DPT: variants seen among roughly 807,000 people sequenced by gnomAD.
DPT encodes tyrosine-rich acidic matrix protein.
In DPT, 21 loss-of-function variants were observed where a neutral mutation model predicts 31.2. The ratio of observed to expected loss-of-function variants is 0.67; its 90% CI spans 0.48 to 0.97. The LOEUF is 0.97. DPT is among the 50% of genes least tolerant of loss of function. DPT has a pLI of 0.00. For synonymous variants in DPT, 91 were observed against 86.9 expected, an observed-to-expected ratio of 1.05 and a Z score of -0.26; for missense variants, 262 against 258.8, an observed-to-expected ratio of 1.01 and a Z score of -0.08.
chr1:168,704,264 CA>C (rs1649666336), intron 2 of DPT, among the ~76,000 whole-genome samples: 1 of 152,162 alleles, frequency 6.6e-6, no homozygotes, highest in Admixed American at 6.5e-5. Context: ...TTAAAACAAT[CA>C]AACAAACCTT....
At chr1:168,701,218 G>T in intron 2 of DPT, 94 bp from the exon 3 acceptor site, 1 of 969,450 alleles carries the variant, frequency 1.0e-6, no homozygotes, top group Admixed American at 1.8e-5. Context: ...GATGGAGTTT[G>T]AGCATCCTGG....
intron 1 of DPT, among the ~76,000 whole-genome samples, chr1:168,724,653 T>C (rs923011611): frequency 7.2e-5 from 11 of 151,960 alleles, no homozygotes; most frequent in Non-Finnish European, 1.6e-4. Context: ...TTGGAAAGCA[T>C]CCCCGAGGAA....
chr1:168,715,560 A>G (rs1665435638), intron 1 of DPT, among the ~76,000 whole-genome samples: 1 of 116,432 alleles, frequency 8.6e-6, no homozygotes, highest in African/African-American at 2.7e-5. Context: ...AAAATAAAAG[A>G]TATTATAATT....
intron 2 of DPT, among the ~76,000 whole-genome samples, chr1:168,710,847 G>A (rs116752062): frequency 1.3e-5 from 2 of 152,154 alleles, no homozygotes; most frequent in African/African-American, 4.8e-5. Flanking sequence ...CAAATAAACA[G>A]ACAGGATAAG....
chr1:168,700,648 C>T (rs1649573511), intron 3 of DPT, among the ~76,000 whole-genome samples: 1 of 152,062 alleles, frequency 6.6e-6, no homozygotes, highest in African/African-American at 2.4e-5. Context: ...AAGCTTAGAC[C>T]ATCAAGGGAT....
intron 2 of DPT, among the ~76,000 whole-genome samples, chr1:168,709,189 A>C (rs1038225733): frequency 6.6e-6 from 1 of 152,212 alleles, no homozygotes; most frequent in African/African-American, 2.4e-5. Flanking sequence ...AATGATTCAC[A>C]ACCATCAGAT....
chr1:168,715,100 G>T (rs1228448210), intron 1 of DPT, among the ~76,000 whole-genome samples: 2 of 152,084 alleles, frequency 1.3e-5, no homozygotes, highest in African/African-American at 4.8e-5. Flanking sequence ...CCCCTCTAAA[G>T]ATCCCTTTCC....
chr1:168,728,248 C>A (rs992326287), intron 1 of DPT, among the ~76,000 whole-genome samples: 1 of 152,186 alleles, frequency 6.6e-6, no homozygotes, highest in Admixed American at 6.5e-5. Context: ...GAGAGAAGGA[C>A]CTCAGTACTC....
At chr1:168,701,975 C>CCTTCT (rs1324920754) in intron 2 of DPT, among the ~76,000 whole-genome samples, 1 of 152,184 alleles carries the variant, frequency 6.6e-6, no homozygotes, top group Non-Finnish European at 1.5e-5. Context: ...CCTTTCCTTT[C>CCTTCT]CTTCTCTTCC....
intron 1 of DPT, among the ~76,000 whole-genome samples, chr1:168,716,128 T>C (rs980799089): frequency 1.3e-5 from 2 of 152,236 alleles, no homozygotes; most frequent in South Asian, 2.1e-4. Flanking sequence ...ATTAAATATA[T>C]TACTTGTCTG....
chr1:168,714,608 A>G (rs967364383), intron 1 of DPT, among the ~76,000 whole-genome samples: 13 of 152,246 alleles, frequency 8.5e-5, no homozygotes, highest in Non-Finnish European at 1.6e-4. Flanking sequence ...ATATATTGTT[A>G]GATGGAAGCC....
chr1:168,724,325 C>T (rs976850968), intron 1 of DPT, among the ~76,000 whole-genome samples: 1 of 152,194 alleles, frequency 6.6e-6, no homozygotes, highest in Non-Finnish European at 1.5e-5. Flanking sequence ...GAATCAAAGA[C>T]ATAAGCAAAA....
At chr1:168,701,482 T>C (rs894585513) in intron 2 of DPT, among the ~76,000 whole-genome samples, 5 of 152,212 alleles carry the variant, frequency 3.3e-5, no homozygotes, top group African/African-American at 1.2e-4. Context: ...TATGATTCAT[T>C]AGTTGATAAC....
intron 1 of DPT, among the ~76,000 whole-genome samples, chr1:168,722,561 G>A (rs1413709013): frequency 6.6e-6 from 1 of 152,136 alleles, no homozygotes; most frequent in Non-Finnish European, 1.5e-5. Context: ...TATAAAATGG[G>A]TTCAAATAAT....
intron 1 of DPT, among the ~76,000 whole-genome samples, chr1:168,722,192 T>G (rs1240348606): frequency 6.6e-6 from 1 of 152,216 alleles, no homozygotes; most frequent in Non-Finnish European, 1.5e-5. Context: ...TGACGTGAGT[T>G]TATGAATATC....
intron 2 of DPT, among the ~76,000 whole-genome samples, chr1:168,707,226 GGTAA>G (rs749726893): frequency 6.6e-6 from 1 of 151,988 alleles, no homozygotes; most frequent in Non-Finnish European, 1.5e-5. Flanking sequence ...AGGAACACGT[GGTAA>G]GTGTCAATAA....
At chr1:168,720,765 C>T (rs1650093097) in intron 1 of DPT, among the ~76,000 whole-genome samples, 1 of 152,158 alleles carries the variant, frequency 6.6e-6, no homozygotes, top group Non-Finnish European at 1.5e-5. Flanking sequence ...CTTTCCCGCC[C>T]CAAAGGTGGA....
chr1:168,700,111 T>G (rs921678147), intron 3 of DPT, among the ~76,000 whole-genome samples: 2 of 152,078 alleles, frequency 1.3e-5, no homozygotes, highest in African/African-American at 4.8e-5. Flanking sequence ...CCCTTAAAAT[T>G]TATATATTGG....
rs147296236 is a variant in DPT, at chr1:168,706,303, T to G, written c.432-5179A>C. On this transcript the variant is annotated intron_variant, in intron 2 of 3. Coordinates refer to ENST00000367817, the MANE Select transcript of DPT (RefSeq NM_001937.5). ...ATATTCAGCTAAAAAGATGTCCCTT[T>G]CTGACAGTCAAATCATTGAGAAGTT... Among the ~76,000 whole-genome samples the G allele has an allele frequency of 5.8e-3, 881 of 152,304 alleles. 8 individuals carry two copies. Among genetic ancestry groups the G allele is most frequent in the Non-Finnish European group, 8.5e-3 (579 of 68,024 alleles).
Sources: gnomAD v4.1 joint callset for allele counts (sites outside exome capture counted in the v4.1 genomes callset) on GRCh38, gnomAD v4.1.1 for gene constraint, MANE v1.5 for transcripts, NCBI Gene and HGNC (gene_info 2026-07-23, HGNC 2026-07-21) for gene names.